The following TECRL variants were observed in gnomAD, a reference collection of about 807,000 sequenced individuals.
The protein encoded by TECRL is trans-2,3-enoyl-CoA reductase-like.
In TECRL, 63 loss-of-function variants were observed where a neutral mutation model predicts 52.8. That is an observed-to-expected ratio of 1.19 (90% CI 0.97 to 1.47). The LOEUF is 1.47. TECRL is among the 40% of genes most tolerant of loss of function. TECRL has a pLI of 0.00. For synonymous variants in TECRL, 164 were observed against 141.9 expected, an observed-to-expected ratio of 1.16 and a Z score of -1.10; for missense variants, 482 against 429.6, an observed-to-expected ratio of 1.12 and a Z score of -1.08.
At chr4:64,367,677 A>G (rs956431232) in intron 2 of TECRL, among the ~76,000 whole-genome samples, 4 of 152,164 alleles carry the variant, frequency 2.6e-5, no homozygotes, top group African/African-American at 7.2e-5. Context: ...AATGACCTTC[A>G]AAATCATAAT....
At position 64,314,714 on chromosome 4, in the gene TECRL, T is replaced by C. The variant is rs766908787; in HGVS notation, c.485A>G (p.Tyr162Cys). ...TGPLLIYLLF[Y>C]LRIPCIYDGK... ...ATCATATATACATGGGATCCTCAAA[T>C]AAAAGAGGAGGTATATTAGCAGAGG... The change falls in exon 5 of 12, where the codon TAT becomes TGT. Residue 162 changes from tyrosine to cysteine, a missense_variant. Transcript: ENST00000381210. The C allele has an allele frequency of 3.1e-6, 5 of 1,612,654 alleles. No homozygotes were observed. Among genetic ancestry groups the C allele is most frequent in the Non-Finnish European group, 8.5e-7 (1 of 1,179,508 alleles).
chr4:64,389,832 T>A (rs1723426910), intron 1 of TECRL, among the ~76,000 whole-genome samples: 1 of 151,814 alleles, frequency 6.6e-6, no homozygotes, highest in African/African-American at 2.4e-5. Flanking sequence ...AAACTGAAAA[T>A]TGGTGACAAA....
At chr4:64,353,541 A>T (rs1056197529) in intron 2 of TECRL, among the ~76,000 whole-genome samples, 3 of 152,198 alleles carry the variant, frequency 2.0e-5, no homozygotes, top group Non-Finnish European at 2.9e-5. Flanking sequence ...TGGTGTTTAT[A>T]ATGATACACA....
intron 1 of TECRL, among the ~76,000 whole-genome samples, chr4:64,387,843 G>C (rs985400784): frequency 1.5e-4 from 23 of 151,692 alleles, no homozygotes; most frequent in Non-Finnish European, 4.4e-5. Context: ...TTTAAATGTT[G>C]GACTAGTCTT....
intron 2 of TECRL, among the ~76,000 whole-genome samples, chr4:64,374,748 T>G (rs1722277649): frequency 6.6e-6 from 1 of 152,120 alleles, no homozygotes; most frequent in Non-Finnish European, 1.5e-5. Context: ...AACTCATCCT[T>G]TTTTATGGCT....
At chr4:64,310,423 T>A (rs1724603790) in intron 5 of TECRL, among the ~76,000 whole-genome samples, 1 of 152,172 alleles carries the variant, frequency 6.6e-6, no homozygotes, top group Admixed American at 6.5e-5. Context: ...GCAGTAATAA[T>A]GTAGTTTTGT....
At chr4:64,343,402 G>A (rs1038431507) in intron 2 of TECRL, among the ~76,000 whole-genome samples, 3 of 152,018 alleles carry the variant, frequency 2.0e-5, no homozygotes, top group African/African-American at 7.2e-5. Flanking sequence ...AATTTTGCAT[G>A]AGTTAATTAA....
intron 8 of TECRL, among the ~76,000 whole-genome samples, chr4:64,299,713 G>C (rs569233782): frequency 6.6e-6 from 1 of 150,984 alleles, no homozygotes; most frequent in African/African-American, 2.4e-5. Context: ...GCATCAGTGA[G>C]TATAAATTTT....
chr4:64,352,132 C>T (rs1249971641), intron 2 of TECRL, among the ~76,000 whole-genome samples: 2 of 152,204 alleles, frequency 1.3e-5, no homozygotes, highest in African/African-American at 2.4e-5. Flanking sequence ...CTAGCTGTTT[C>T]CTGATGTCAA....
intron 8 of TECRL, among the ~76,000 whole-genome samples, chr4:64,297,648 A>T (rs755114000): frequency 6.6e-6 from 1 of 151,158 alleles, no homozygotes; most frequent in African/African-American, 2.4e-5. Flanking sequence ...TTTCCAAATC[A>T]TTTGCACATA....
intron 2 of TECRL, among the ~76,000 whole-genome samples, chr4:64,355,877 T>C (rs927406495): frequency 6.6e-6 from 1 of 151,426 alleles, no homozygotes; most frequent in South Asian, 2.1e-4. Context: ...CTGAAAACAA[T>C]TGTAGGGAAA....
rs5858871 is a variant in TECRL, at chr4:64,280,248, T to TAA, written c.965-50_965-49insTT. 0.97 allele frequency: 1,314,614 copies of TAA among 1,350,152 alleles called. 640,277 individuals are homozygous for TAA. The highest frequency in any genetic ancestry group is 1 in the East Asian group (37,793 of 37,798). The allele number at this position is 1,350,152 out of a possible 1,614,324, so 83.6% of individuals were successfully genotyped here. The stretch of plus-strand genomic sequence containing the variant: ...TTATTTCTTTCTTATTTCTATGAAA[T>TAA]GTTATATTAGGAAAAGGATCCCTAG... On this transcript the variant is annotated intron_variant, in intron 11 of 11. Transcript: ENST00000381210.
At chr4:64,378,609 A>C (rs1344837668) in intron 1 of TECRL, among the ~76,000 whole-genome samples, 3 of 152,138 alleles carry the variant, frequency 2.0e-5, no homozygotes, top group African/African-American at 7.2e-5. Flanking sequence ...TATTTTACTA[A>C]TAAGTAACCT....
intron 2 of TECRL, among the ~76,000 whole-genome samples, chr4:64,363,046 T>C (rs142946052): frequency 9.9e-4 from 150 of 151,766 alleles, no homozygotes; most frequent in African/African-American, 3.4e-3. Context: ...GCTAGTCTAA[T>C]TTTAGGCAAA....
intron 9 of TECRL, among the ~76,000 whole-genome samples, chr4:64,284,183 A>G (rs1722971036): frequency 6.6e-6 from 1 of 152,052 alleles, no homozygotes; most frequent in East Asian, 1.9e-4. Context: ...ATATCCCTCT[A>G]AGATTGTACA....
At chr4:64,374,052 CATATATATAT>C (rs77300773) in intron 2 of TECRL, among the ~76,000 whole-genome samples, 24 of 105,988 alleles carry the variant, frequency 2.3e-4, no homozygotes, top group Middle Eastern at 0.012. Flanking sequence ...ATAGTAGATA[CATATATATAT>C]ATATATATAT....
At chr4:64,333,844 C>A (rs1718828254) in intron 2 of TECRL, among the ~76,000 whole-genome samples, 1 of 123,900 alleles carries the variant, frequency 8.1e-6, no homozygotes, top group Non-Finnish European at 1.7e-5. Flanking sequence ...CAAGGTGAAA[C>A]CCCGTCTCTA....
At chr4:64,390,899 ATAAT>A (rs1577981580) in intron 1 of TECRL, among the ~76,000 whole-genome samples, 1 of 151,916 alleles carries the variant, frequency 6.6e-6, no homozygotes, top group African/African-American at 2.4e-5. Flanking sequence ...TCAAGCAAAA[ATAAT>A]TAGGGAGGAA....
intron 2 of TECRL, among the ~76,000 whole-genome samples, chr4:64,342,235 A>G (rs1369639208): frequency 6.6e-6 from 1 of 152,078 alleles, no homozygotes; most frequent in Non-Finnish European, 1.5e-5. Context: ...GTCTATTAAG[A>G]TTTTTAGTGT....
Sources: gnomAD v4.1 joint callset for allele counts (sites outside exome capture counted in the v4.1 genomes callset) on GRCh38, gnomAD v4.1.1 for gene constraint, MANE v1.5 for transcripts, NCBI Gene and HGNC (gene_info 2026-07-23, HGNC 2026-07-21) for gene names.